The following UBAP2L variants were observed in gnomAD, a reference collection of about 807,000 sequenced individuals.
UBAP2L encodes the protein ubiquitin-associated protein 2-like.
A neutral mutation model predicts 130.6 loss-of-function variants in UBAP2L; 12 were observed. That is an observed-to-expected ratio of 0.09 (90% CI 0.06 to 0.15). The LOEUF (loss-of-function observed/expected upper bound fraction) is 0.15. Among genes scored for constraint, UBAP2L ranks in the 10% least tolerant of loss-of-function variants. The probability of loss-of-function intolerance (pLI) is 1.00; values close to 1 mark genes in which losing one functional copy is unlikely to be tolerated. For missense variants in UBAP2L, 965 were observed against 1,332.5 expected (o/e 0.72, Z 4.29); for synonymous variants, 503 against 524.7 (o/e 0.96, Z 0.57).
At chr1:154,249,549 T>C in intron 12 of UBAP2L, 112 bp downstream of exon 12, 1 of 1,309,934 alleles carries the variant, frequency 7.6e-7, no homozygotes, top group Non-Finnish European at 1.1e-6. Context: ...AAGGGGCAGC[T>C]AGTTGGTTAC....
chr1:154,235,368 T>A (rs1270261584), intron 6 of UBAP2L, 77 bp downstream of exon 6: 8 of 651,082 alleles, frequency 1.2e-5, no homozygotes, highest in Non-Finnish European at 2.2e-5. Flanking sequence ...ATTTTTTTTT[T>A]TTATTGGAGG....
At chr1:154,224,945 T>C (rs111668570) in intron 1 of UBAP2L, 139 bp from the exon 2 acceptor site, 318 of 572,388 alleles carry the variant, frequency 5.6e-4, no homozygotes, top group African/African-American at 5.3e-3. Flanking sequence ...ATCAAGCTAA[T>C]TATGTTGTAA....
intron 25 of UBAP2L, among the ~76,000 whole-genome samples, chr1:154,268,119 C>G (rs1434048627): frequency 6.6e-6 from 1 of 151,280 alleles, no homozygotes; most frequent in African/African-American, 2.4e-5. Context: ...AAACTCCTGA[C>G]CTCAGGTGAT....
At chr1:154,232,156 A>G (rs1670044074) in intron 4 of UBAP2L, among the ~76,000 whole-genome samples, 1 of 152,046 alleles carries the variant, frequency 6.6e-6, no homozygotes, top group Non-Finnish European at 1.5e-5. Context: ...GTGAAACCCC[A>G]TCTCTACTAA....
At chr1:154,247,164 G>A (rs1193661374) in intron 11 of UBAP2L, among the ~76,000 whole-genome samples, 2 of 152,140 alleles carry the variant, frequency 1.3e-5, no homozygotes, top group East Asian at 1.9e-4. Context: ...GACCATGTGT[G>A]TGCATATAAT....
intron 4 of UBAP2L, among the ~76,000 whole-genome samples, chr1:154,231,691 A>C (rs1413532284): frequency 1.3e-5 from 2 of 152,100 alleles, no homozygotes; most frequent in African/African-American, 4.8e-5. Flanking sequence ...AACTTACTTC[A>C]CTTAGTGTAA....
At chr1:154,249,058 T>G (rs1676617312) in intron 11 of UBAP2L, among the ~76,000 whole-genome samples, 181 bp from the exon 12 acceptor site, 1 of 152,176 alleles carries the variant, frequency 6.6e-6, no homozygotes, top group African/African-American at 2.4e-5. Context: ...TAGCCAGGAT[T>G]TCAATCTAAG....
intron 4 of UBAP2L, among the ~76,000 whole-genome samples, chr1:154,234,270 C>A (rs778921015): frequency 6.6e-6 from 1 of 151,638 alleles, no homozygotes; most frequent in Non-Finnish European, 1.5e-5. Context: ...GACTGAGGCA[C>A]GAGAATCGCT....
chr1:154,259,111 G>T, intron 21 of UBAP2L, 81 bp downstream of exon 21: 1 of 1,274,282 alleles, frequency 7.8e-7, no homozygotes, highest in African/African-American at 1.5e-5. Flanking sequence ...CACAGACATA[G>T]CTCTTTCCCA....
At chr1:154,248,312 A>G (rs1039510000) in intron 11 of UBAP2L, among the ~76,000 whole-genome samples, 2 of 152,290 alleles carry the variant, frequency 1.3e-5, no homozygotes, top group South Asian at 2.1e-4. Flanking sequence ...GAAAACAATC[A>G]AATCATACTG....
intron 11 of UBAP2L, among the ~76,000 whole-genome samples, chr1:154,247,964 AT>A (rs1173681738): frequency 1.3e-5 from 2 of 149,972 alleles, no homozygotes; most frequent in African/African-American, 4.9e-5. Context: ...TTTATTTTTT[AT>A]TTATTTTTTA....
At position 154,268,964 on chromosome 1, in the gene UBAP2L, C is replaced by A. The variant is rs373989862; in HGVS notation, c.3168+10C>A. On this transcript the variant is annotated intron_variant, in intron 26 of 26. Transcript: ENST00000428931. ...GCAGCAGGATGGCCAGGTAATAGCC[C>A]TTCCCCTTCTCTCCTTTCCCTTCCT... 3 of 1,611,420 alleles carry A rather than the reference C, an allele frequency of 1.9e-6. No homozygotes were observed. Among genetic ancestry groups the A allele is most frequent in the African/African-American group, 1.3e-5 (1 of 74,656 alleles).
At chr1:154,220,526 G>T, upstream of UBAP2L, 1 of 1,112,718 alleles carries the variant, frequency 9.0e-7, no homozygotes, top group Non-Finnish European at 1.4e-6. Context: ...ATTTCCTTAC[G>T]GGGGAAGACC....
intron 24 of UBAP2L, 21 bp from the exon 25 acceptor site, chr1:154,266,480 G>A (rs1160967923): frequency 6.2e-7 from 1 of 1,613,682 alleles, no homozygotes; most frequent in Non-Finnish European, 8.5e-7. Context: ...TAATCCTCCT[G>A]TCTGTTTCCT....
chr1:154,220,525 C>G (rs939330791), upstream of UBAP2L: 1 of 1,114,310 alleles, frequency 9.0e-7, no homozygotes, highest in Non-Finnish European at 1.4e-6. Flanking sequence ...CATTTCCTTA[C>G]GGGGGAAGAC....
At chr1:154,228,868 A>T (rs1490479646) in intron 4 of UBAP2L, 143 bp downstream of exon 4, 2 of 534,442 alleles carry the variant, frequency 3.7e-6, no homozygotes, top group Non-Finnish European at 6.6e-6. Flanking sequence ...GAGATTGTTC[A>T]CCACAGGTTA....
upstream of UBAP2L, chr1:154,220,360 C>A (rs1286960916): frequency 3.7e-6 from 6 of 1,614,130 alleles, no homozygotes; most frequent in African/African-American, 1.3e-5. Flanking sequence ...CGTAGGCCAT[C>A]ACCAGCACGA....
Position 154,257,101 on chromosome 1 carries a change from C to G in UBAP2L, c.2196C>G (p.Ser732=), listed in dbSNP as rs1412745966. The change falls in exon 19 of 27, where the codon TCC becomes TCG. Residue 732 remains serine, a synonymous_variant. Coordinates refer to ENST00000428931, the MANE Select transcript of UBAP2L (RefSeq NM_014847.4). ...SVESEANLHS[S]SSTFSTTSST... ...AGAGTGAGGCGAATCTCCATTCTTC[C>G]TCCAGCACTTTTTCCACCACATCCA... 1 of 1,614,092 alleles carries G rather than the reference C, an allele frequency of 6.2e-7. No individual in the cohort carries two copies. Among genetic ancestry groups the G allele is most frequent in the East Asian group, 2.2e-5 (1 of 44,884 alleles).
intron 1 of UBAP2L, among the ~76,000 whole-genome samples, chr1:154,222,636 A>G (rs753766596): frequency 6.6e-6 from 1 of 152,212 alleles, no homozygotes; most frequent in Non-Finnish European, 1.5e-5. Flanking sequence ...CAAAGCATCT[A>G]CAGAAATTAG....
Sources: gnomAD v4.1 joint callset for allele counts (sites outside exome capture counted in the v4.1 genomes callset) on GRCh38, gnomAD v4.1.1 for gene constraint, MANE v1.5 for transcripts, NCBI Gene and HGNC (gene_info 2026-07-23, HGNC 2026-07-21) for gene names.